SOX5: variants seen among roughly 807,000 people sequenced by gnomAD.
SOX5 encodes transcription factor SOX-5.
SOX5 carries 9 observed loss-of-function variants against 92.0 expected under a neutral mutation model. The ratio of observed to expected loss-of-function variants is 0.10; its 90% CI spans 0.06 to 0.17. The LOEUF (loss-of-function observed/expected upper bound fraction) is 0.17. SOX5 is among the 10% of genes least tolerant of loss of function. The pLI is 1.00. For missense variants in SOX5, 642 were observed against 944.5 expected (o/e 0.68, Z 4.20); for synonymous variants, 344 against 336.3 (o/e 1.02, Z -0.25).
At chr12:24,016,815 G>A (rs192407862) in intron 4 of SOX5, among the ~76,000 whole-genome samples, 60 of 152,230 alleles carry the variant, frequency 3.9e-4, no homozygotes, top group African/African-American at 1.3e-3. Context: ...CTGTGACACC[G>A]TGCTGAAAAC....
chr12:24,394,970 C>G (rs1447873774), intron 1 of SOX5, among the ~76,000 whole-genome samples: 1 of 152,112 alleles, frequency 6.6e-6, no homozygotes, highest in Non-Finnish European at 1.5e-5. Flanking sequence ...TTTCTTTCCC[C>G]TAACACAAAG....
chr12:24,557,549 T>C (rs1953929404), intron 1 of SOX5, among the ~76,000 whole-genome samples: 1 of 152,198 alleles, frequency 6.6e-6, no homozygotes, highest in Non-Finnish European at 1.5e-5. Context: ...GATTCCTTCC[T>C]GAATTCCCTC....
In SOX5 at chr12:24,312,229, T is replaced by A. The variant is rs1275179507; in HGVS notation, c.-173-34917A>T. Among the ~76,000 whole-genome samples, 4 of 152,294 alleles carry A rather than the reference T, an allele frequency of 2.6e-5. 1 individual carries two copies. The stretch of plus-strand genomic sequence containing the variant: ...AGCTTTCTGCAGTTTTAATCTAAAC[T>A]TTTTTTGTATTTAAGCTTTGTGATC... On this transcript the variant is annotated intron_variant, in intron 2 of 4. Coordinates refer to the SOX5 transcript ENST00000446891.
intron 1 of SOX5, among the ~76,000 whole-genome samples, chr12:23,907,541 A>C (rs2097306684): frequency 6.6e-6 from 1 of 152,182 alleles, no homozygotes; most frequent in African/African-American, 2.4e-5. Flanking sequence ...TTACTACTAC[A>C]ATTAGTATTA....
intron 4 of SOX5, among the ~76,000 whole-genome samples, chr12:23,957,214 C>G (rs575133474): frequency 1.3e-5 from 2 of 152,200 alleles, no homozygotes; most frequent in East Asian, 3.9e-4. Flanking sequence ...GGAAAATAAA[C>G]TGTTACTAAT....
chr12:24,553,307 T>A (rs1402248225), intron 1 of SOX5, among the ~76,000 whole-genome samples: 2 of 152,204 alleles, frequency 1.3e-5, no homozygotes. Context: ...AGTCTCTTGT[T>A]CATCTGTGAA....
At chr12:24,113,115 T>A (rs958446401) in intron 4 of SOX5, among the ~76,000 whole-genome samples, 2 of 151,678 alleles carry the variant, frequency 1.3e-5, no homozygotes, top group African/African-American at 4.8e-5. Flanking sequence ...TACAATGTCC[T>A]ACCTGTAATA....
chr12:23,919,066 T>C (rs550606031), intron 1 of SOX5, among the ~76,000 whole-genome samples: 1 of 152,188 alleles, frequency 6.6e-6, no homozygotes, highest in East Asian at 1.9e-4. Context: ...AGGTAATTAA[T>C]AGGTAATATC....
At chr12:23,887,915 A>ATGTGTGTGTG (rs1374110699) in intron 2 of SOX5, among the ~76,000 whole-genome samples, 27 of 79,720 alleles carry the variant, frequency 3.4e-4, no homozygotes, top group African/African-American at 1.4e-3. Context: ...TCCAGTGTGT[A>ATGTGTGTGTG]TATGTGTGTG....
chr12:23,873,673 A>G (rs539551725), intron 2 of SOX5, among the ~76,000 whole-genome samples: 1 of 152,282 alleles, frequency 6.6e-6, no homozygotes, highest in Non-Finnish European at 1.5e-5. Flanking sequence ...CTTAAATCAA[A>G]CAGTCTCTAT....
intron 4 of SOX5, among the ~76,000 whole-genome samples, chr12:24,119,409 C>T (rs1046581664): frequency 1.3e-5 from 2 of 152,018 alleles, no homozygotes; most frequent in African/African-American, 2.4e-5. Flanking sequence ...GGCTGATTTA[C>T]ACTTGAGGCT....
intron 3 of SOX5, among the ~76,000 whole-genome samples, chr12:24,261,675 G>C (rs910133944): frequency 6.6e-6 from 1 of 152,156 alleles, no homozygotes; most frequent in African/African-American, 2.4e-5. Context: ...CTTATGTGTC[G>C]CTACTGCCTT....
chr12:24,393,029 T>C lies in SOX5; in HGVS notation c.-250-24390A>G, dbSNP rs116190335. On this transcript the variant is annotated intron_variant, in intron 1 of 4. Transcript: ENST00000446891. This position sits in a 1 kb window ranked among gnomAD's most constrained non-coding sequence, Gnocchi z 5.0. ...CCTCTGTTATCAAAGAACAGCAGCA[T>C]ATGAGAGGCTTCAATCTTGAGTGTG... Among the ~76,000 whole-genome samples, 3,633 of 152,210 alleles carry C rather than the reference T, an allele frequency of 0.024. 142 individuals are homozygous for C. The highest frequency in any genetic ancestry group is 0.084 in the African/African-American group (3,469 of 41,518).
intron 2 of SOX5, among the ~76,000 whole-genome samples, chr12:24,316,597 C>A (rs955969335): frequency 6.6e-6 from 1 of 152,154 alleles, no homozygotes; most frequent in Non-Finnish European, 1.5e-5. Context: ...CGCAGAACTA[C>A]AAACTAGTGT....
intron 1 of SOX5, among the ~76,000 whole-genome samples, chr12:24,406,226 C>G (rs962712217): frequency 6.6e-6 from 1 of 152,110 alleles, no homozygotes; most frequent in African/African-American, 2.4e-5. Context: ...CACAAGACAC[C>G]AAATCAGAGG....
chr12:23,943,649 A>G (rs1944055452), intron 1 of SOX5, among the ~76,000 whole-genome samples: 1 of 152,154 alleles, frequency 6.6e-6, no homozygotes, highest in South Asian at 2.1e-4. Context: ...AAGGCAAGAC[A>G]AAAGTAAATG....
chr12:24,268,400 G>C (rs953937818), intron 3 of SOX5, among the ~76,000 whole-genome samples: 4 of 152,000 alleles, frequency 2.6e-5, no homozygotes, highest in Non-Finnish European at 5.9e-5. Flanking sequence ...CATTATCTTG[G>C]TGAGACCAAG....
chr12:24,123,182 T>G (rs1162153114), intron 4 of SOX5, among the ~76,000 whole-genome samples: 1 of 152,234 alleles, frequency 6.6e-6, no homozygotes, highest in Non-Finnish European at 1.5e-5. Context: ...TCCTATTCAC[T>G]AGCATCTGAG....
At chr12:23,606,045 G>A (rs1316502105) in intron 8 of SOX5, among the ~76,000 whole-genome samples, 2 of 151,914 alleles carry the variant, frequency 1.3e-5, no homozygotes, top group Non-Finnish European at 2.9e-5. Flanking sequence ...CAAAAAGGAA[G>A]ACTTGAGAGT....
Sources: gnomAD v4.1 joint callset for allele counts (sites outside exome capture counted in the v4.1 genomes callset) on GRCh38, gnomAD v4.1.1 for gene constraint, Gnocchi (gnomAD v3.1) non-coding constraint, MANE v1.5 for transcripts, NCBI Gene and HGNC (gene_info 2026-07-23, HGNC 2026-07-21) for gene names.